EDA: variants seen among roughly 807,000 people sequenced by gnomAD.
EDA encodes the protein ectodysplasin-A.
A neutral mutation model predicts 23.6 loss-of-function variants in EDA; 2 were observed. The observed-to-expected ratio is 0.08, with a 90% CI of 0.03 to 0.27. EDA has a LOEUF of 0.27. Among genes scored for constraint, EDA ranks in the 10% least tolerant of loss-of-function variants. The pLI is 1.00. For missense variants in EDA, 229 were observed against 324.2 expected (o/e 0.71, Z 2.26); for synonymous variants, 131 against 132.0 (o/e 0.99, Z 0.05).
intron 1 of EDA, among the ~76,000 whole-genome samples, chrX:69,639,214 C>T (rs769129987): frequency 9.0e-6 from 1 of 111,349 alleles, no homozygotes; most frequent in Non-Finnish European, 1.9e-5. Context: ...GTGAATAATG[C>T]TGCTATGAAC....
intron 1 of EDA, among the ~76,000 whole-genome samples, chrX:69,661,264 A>C (rs1332743862): frequency 9.6e-6 from 1 of 104,398 alleles, no homozygotes; most frequent in African/African-American, 3.6e-5. Flanking sequence ...TCAGATGGGT[A>C]GATTGTAAAA....
intron 1 of EDA, among the ~76,000 whole-genome samples, chrX:69,914,361 T>C (rs1390445921): frequency 8.9e-6 from 1 of 112,024 alleles, no homozygotes; most frequent in Non-Finnish European, 1.9e-5. Context: ...CCCAGAAAGA[T>C]TAAGCGACCT....
At chrX:69,764,805 A>G (rs1466125050) in intron 1 of EDA, among the ~76,000 whole-genome samples, 1 of 111,412 alleles carries the variant, frequency 9.0e-6, no homozygotes, top group Non-Finnish European at 1.9e-5. Context: ...TATTTAAGTA[A>G]TAATATTCTC....
At chrX:69,828,246 C>G (rs189020643) in intron 1 of EDA, among the ~76,000 whole-genome samples, 102 of 112,514 alleles carry the variant, frequency 9.1e-4, no homozygotes, top group Admixed American at 4.5e-3. Flanking sequence ...AGCTTCCAGT[C>G]TGCTTTGTTT....
intron 2 of EDA, among the ~76,000 whole-genome samples, chrX:70,001,911 T>C (rs2019745566): frequency 9.0e-6 from 1 of 111,422 alleles, no homozygotes; most frequent in Non-Finnish European, 1.9e-5. Flanking sequence ...TCAACCTTGG[T>C]CACACATTAG....
intron 1 of EDA, among the ~76,000 whole-genome samples, chrX:69,680,960 C>T (rs1010206737): frequency 2.1e-4 from 23 of 107,165 alleles, no homozygotes; most frequent in African/African-American, 4.4e-4. Context: ...CGGCTGGTAC[C>T]GGTTGTTCCT....
chrX:69,697,927 A>C (rs941938690), intron 1 of EDA, among the ~76,000 whole-genome samples: 1 of 112,441 alleles, frequency 8.9e-6, no homozygotes, highest in African/African-American at 3.2e-5. Context: ...TAACTAGTCT[A>C]GTGGTAGCCT....
intron 1 of EDA, among the ~76,000 whole-genome samples, chrX:69,946,109 T>C (rs2018830152): frequency 9.0e-6 from 1 of 111,612 alleles, no homozygotes; most frequent in Non-Finnish European, 1.9e-5. Flanking sequence ...TCTAGTGTTA[T>C]AGTCTTTAAA....
chrX:69,809,170 C>A (rs181395946), intron 1 of EDA, among the ~76,000 whole-genome samples: 232 of 111,574 alleles, frequency 2.1e-3, no homozygotes, highest in African/African-American at 7.3e-3. Context: ...CATCAATGCT[C>A]ACTGTATTAG....
chrX:69,770,417 A>C (rs763379611), intron 1 of EDA, among the ~76,000 whole-genome samples: 1 of 112,010 alleles, frequency 8.9e-6, no homozygotes, highest in Non-Finnish European at 1.9e-5. Flanking sequence ...ACTCATTTTT[A>C]TTTTAATCAT....
At chrX:69,636,632 GTTTTT>G (rs200303089) in intron 1 of EDA, among the ~76,000 whole-genome samples, 1 of 89,459 alleles carries the variant, frequency 1.1e-5, no homozygotes. Flanking sequence ...CTGGTTCATG[GTTTTT>G]TTTTTTTTTT....
At chrX:69,849,948 A>G (rs755290579) in intron 1 of EDA, among the ~76,000 whole-genome samples, 1 of 111,748 alleles carries the variant, frequency 8.9e-6, no homozygotes, top group Admixed American at 9.5e-5. Flanking sequence ...TTGGGATATG[A>G]CTTATGTACA....
intron 1 of EDA, among the ~76,000 whole-genome samples, chrX:69,889,549 A>T (rs975538505): frequency 1.8e-5 from 2 of 111,796 alleles, no homozygotes; most frequent in African/African-American, 6.5e-5. Context: ...GAGGCTGAGT[A>T]TCTTTCCATG....
At chrX:69,829,272 G>C (rs1354302249) in intron 1 of EDA, among the ~76,000 whole-genome samples, 10 of 111,846 alleles carry the variant, frequency 8.9e-5, no homozygotes, top group African/African-American at 2.9e-4. Flanking sequence ...ACCACATTTA[G>C]GGTTTTTTTT....
chrX:70,020,342 G>A (rs947386980), intron 2 of EDA, among the ~76,000 whole-genome samples: 4 of 111,374 alleles, frequency 3.6e-5, no homozygotes, highest in Non-Finnish European at 5.7e-5. Flanking sequence ...CGGATCACGA[G>A]GTCAGGAGAT....
intron 1 of EDA, among the ~76,000 whole-genome samples, chrX:69,728,437 G>T (rs1367994306): frequency 8.9e-6 from 1 of 111,773 alleles, no homozygotes; most frequent in Non-Finnish European, 1.9e-5. Context: ...GAAAGAGTAG[G>T]TGTGCATTTT....
intron 1 of EDA, among the ~76,000 whole-genome samples, chrX:69,731,188 A>G (rs916473474): frequency 4.5e-5 from 5 of 111,197 alleles, no homozygotes; most frequent in African/African-American, 1.6e-4. Flanking sequence ...TCTGTAGGGT[A>G]TGTTGTATTA....
At chrX:69,911,451 C>T (rs779070428) in intron 1 of EDA, among the ~76,000 whole-genome samples, 32 of 112,087 alleles carry the variant, frequency 2.9e-4, no homozygotes, top group African/African-American at 9.7e-4. Flanking sequence ...AGAAAACTCA[C>T]TCAATTTCCC....
chrX:69,895,878 T>C (rs1317464763), intron 1 of EDA, among the ~76,000 whole-genome samples: 2 of 112,568 alleles, frequency 1.8e-5, no homozygotes, highest in Non-Finnish European at 3.7e-5. Context: ...TACAAGTCTA[T>C]TCTCTTTTAA....
Sources: gnomAD v4.1 joint callset for allele counts (sites outside exome capture counted in the v4.1 genomes callset) on GRCh38, gnomAD v4.1.1 for gene constraint, MANE v1.5 for transcripts, NCBI Gene and HGNC (gene_info 2026-07-23, HGNC 2026-07-21) for gene names.